The following LIN7A variants were observed in gnomAD, a reference collection of about 807,000 sequenced individuals.
LIN7A encodes protein lin-7 homolog A.
LIN7A carries 25 observed loss-of-function variants against 29.8 expected under a neutral mutation model. The observed-to-expected ratio is 0.84, with a 90% CI of 0.61 to 1.17. The LOEUF is 1.17. Ranked by LOEUF, LIN7A falls within the 50% of genes most tolerant of loss-of-function variation. LIN7A has a pLI of 0.00. For missense variants in LIN7A, 239 were observed against 287.0 expected (o/e 0.83, Z 1.21); for synonymous variants, 118 against 107.5 (o/e 1.10, Z -0.60).
chr12:80,931,277 C>T (rs982741291), intron 1 of LIN7A, among the ~76,000 whole-genome samples: 1 of 151,504 alleles, frequency 6.6e-6, no homozygotes, highest in Admixed American at 6.6e-5. Context: ...AAGGATTCAC[C>T]AAATTTCTTA....
intron 2 of LIN7A, among the ~76,000 whole-genome samples, chr12:80,856,038 T>G (rs1244350844): frequency 6.6e-6 from 1 of 152,116 alleles, no homozygotes; most frequent in Non-Finnish European, 1.5e-5. Context: ...GTGTTAGAAT[T>G]CCTATAAACT....
chr12:80,807,062 A>AGTTTTTTTTTGTTTTTTTTTTTTTTTT, intron 5 of LIN7A, among the ~76,000 whole-genome samples: 1 of 32,306 alleles, frequency 3.1e-5, no homozygotes, highest in South Asian at 1.4e-3. Flanking sequence ...ATGAAGATGG[A>AGTTTTTTTTTGTTTTTTTTTTTTTTTT]GTTTTTTTTT....
At chr12:80,840,537 G>A (rs1452741108) in intron 4 of LIN7A, among the ~76,000 whole-genome samples, 2 of 152,140 alleles carry the variant, frequency 1.3e-5, no homozygotes, top group Non-Finnish European at 2.9e-5. Context: ...ATGAGACTGT[G>A]TTTCTGAGGA....
chr12:80,891,516 T>C (rs1360974936), intron 1 of LIN7A, among the ~76,000 whole-genome samples: 2 of 152,198 alleles, frequency 1.3e-5, no homozygotes, highest in Non-Finnish European at 2.9e-5. Context: ...GTTCCTGAAA[T>C]GCAATTCATT....
chr12:80,935,952 G>C (rs1229716301), intron 1 of LIN7A: 2 of 238,690 alleles, frequency 8.4e-6, no homozygotes, highest in Non-Finnish European at 9.5e-6. Context: ...AGTAGTGGTA[G>C]TATATAAAAT....
chr12:80,799,815 T>C (rs1365649289), intron 5 of LIN7A, among the ~76,000 whole-genome samples: 1 of 151,980 alleles, frequency 6.6e-6, no homozygotes, highest in Non-Finnish European at 1.5e-5. Context: ...AGGAAATTAA[T>C]AGAGAAAATC....
intron 1 of LIN7A, among the ~76,000 whole-genome samples, chr12:80,894,753 T>C (rs1469188019): frequency 1.3e-5 from 2 of 152,232 alleles, no homozygotes; most frequent in Non-Finnish European, 2.9e-5. Context: ...GTTTAATACA[T>C]GGTCCAGAAC....
intron 4 of LIN7A, among the ~76,000 whole-genome samples, chr12:80,830,557 G>A (rs1872297470): frequency 6.6e-6 from 1 of 152,138 alleles, no homozygotes; most frequent in Non-Finnish European, 1.5e-5. Flanking sequence ...TAAACTTAAT[G>A]TCTGGGGATT....
intron 4 of LIN7A, among the ~76,000 whole-genome samples, chr12:80,813,540 G>T (rs1227795884): frequency 6.6e-6 from 1 of 152,202 alleles, no homozygotes; most frequent in Non-Finnish European, 1.5e-5. Flanking sequence ...ATACTTATAA[G>T]ATAGATACAG....
At chr12:80,822,020 G>A (rs922843510) in intron 4 of LIN7A, among the ~76,000 whole-genome samples, 3 of 152,124 alleles carry the variant, frequency 2.0e-5, no homozygotes, top group Admixed American at 6.5e-5. Context: ...GGGCACTAAC[G>A]AGCCCAAAGT....
chr12:80,922,433 C>A (rs1877364807), intron 1 of LIN7A, among the ~76,000 whole-genome samples: 1 of 152,124 alleles, frequency 6.6e-6, no homozygotes, highest in Non-Finnish European at 1.5e-5. Context: ...GCACTATTAC[C>A]ACTTTTCACT....
Position 80,817,026 on chromosome 12 carries a change from G to A in LIN7A, c.484-5343C>T, listed in dbSNP as rs989328001. Among the ~76,000 whole-genome samples the A allele has an allele frequency of 2.0e-5, 3 of 152,212 alleles. No individual in the cohort carries two copies. The East Asian group carries it at 5.8e-4, about 29-fold the overall frequency. ...CAAGTGATGCGCCTGCTTCAGCCTC[G>A]CAAAGTGCTGGGTTTACAGGAATGA... On this transcript the variant is annotated intron_variant, in intron 4 of 5. Transcript: ENST00000552864.
chr12:80,915,162 A>C (rs1876967213), intron 1 of LIN7A, among the ~76,000 whole-genome samples: 1 of 151,570 alleles, frequency 6.6e-6, no homozygotes, highest in South Asian at 2.1e-4. Context: ...CAAAAAAAAA[A>C]AAAACAAAAA....
chr12:80,804,143 A>G (rs1191367727), intron 5 of LIN7A, among the ~76,000 whole-genome samples: 3 of 152,214 alleles, frequency 2.0e-5, no homozygotes, highest in African/African-American at 7.2e-5. Context: ...GTTTTGATAC[A>G]GACATGCAAT....
intron 3 of LIN7A, among the ~76,000 whole-genome samples, chr12:80,846,789 C>T (rs1421716115): frequency 6.6e-6 from 1 of 152,106 alleles, no homozygotes; most frequent in African/African-American, 2.4e-5. Flanking sequence ...AAGAAAACAA[C>T]TTACCATTAG....
intron 2 of LIN7A, among the ~76,000 whole-genome samples, chr12:80,850,003 A>G (rs1474858406): frequency 6.6e-6 from 1 of 152,186 alleles, no homozygotes; most frequent in African/African-American, 2.4e-5. Context: ...ATCATTTAGC[A>G]AATAATTGGA....
At chr12:80,863,031 C>A (rs990003168) in intron 2 of LIN7A, among the ~76,000 whole-genome samples, 2 of 152,216 alleles carry the variant, frequency 1.3e-5, no homozygotes, top group African/African-American at 4.8e-5. Context: ...AAATGCACCA[C>A]GCTTGGCTCT....
intron 2 of LIN7A, among the ~76,000 whole-genome samples, chr12:80,862,747 T>C (rs1164089052): frequency 6.6e-6 from 1 of 152,072 alleles, no homozygotes; most frequent in Non-Finnish European, 1.5e-5. Flanking sequence ...AGGCACTAAA[T>C]AGATGGCAAA....
At chr12:80,901,263 C>T (rs1370763807) in intron 1 of LIN7A, among the ~76,000 whole-genome samples, 1 of 152,154 alleles carries the variant, frequency 6.6e-6, no homozygotes, top group Non-Finnish European at 1.5e-5. Context: ...CCATCTATGA[C>T]CTCAATTGAT....
Sources: gnomAD v4.1 joint callset for allele counts (sites outside exome capture counted in the v4.1 genomes callset) on GRCh38, gnomAD v4.1.1 for gene constraint, MANE v1.5 for transcripts, NCBI Gene and HGNC (gene_info 2026-07-23, HGNC 2026-07-21) for gene names.